Variants in CREBBP observed in about 807,000 individuals in gnomAD.
The protein encoded by CREBBP is CREB binding lysine acetyltransferase, also known as CREB-binding protein.
Under a neutral mutation model 265.0 loss-of-function variants are expected in CREBBP, and 19 were observed. The observed-to-expected ratio is 0.07, with a 90% CI of 0.05 to 0.11. The LOEUF is 0.11. Among genes scored for constraint, CREBBP ranks in the 10% least tolerant of loss-of-function variants. The pLI is 1.00. For synonymous variants in CREBBP, 1,457 were observed against 1,223.7 expected, an observed-to-expected ratio of 1.19 and a Z score of -3.98; for missense variants, 2,525 against 3,219.0, an observed-to-expected ratio of 0.78 and a Z score of 5.22.
chr16:3,780,235 C>A (rs139737018), intron 8 of CREBBP, among the ~76,000 whole-genome samples: 1 of 126,044 alleles, frequency 7.9e-6, no homozygotes, highest in East Asian at 2.2e-4. Context: ...GAGCGAGACT[C>A]TGTCTCAAAA....
At chr16:3,800,737 A>G (rs1045887412) in intron 3 of CREBBP, among the ~76,000 whole-genome samples, 7 of 152,178 alleles carry the variant, frequency 4.6e-5, no homozygotes, top group Non-Finnish European at 8.8e-5. Flanking sequence ...GACAAAAACA[A>G]AATCAAAAAC....
intron 11 of CREBBP, among the ~76,000 whole-genome samples, chr16:3,776,996 C>T (rs942817695): frequency 6.7e-6 from 1 of 150,128 alleles, no homozygotes; most frequent in Admixed American, 6.7e-5. Context: ...CCAGCCTGGG[C>T]AACAAAGTAA....
At chr16:3,738,315 A>T (rs373144833) in intron 26 of CREBBP, among the ~76,000 whole-genome samples, 4 of 97,518 alleles carry the variant, frequency 4.1e-5, no homozygotes, top group African/African-American at 1.0e-4. Flanking sequence ...CAATAAAGTT[A>T]AAAAAAAAAA....
rs2055490745 is a variant in CREBBP, at chr16:3,879,883, G to T, written c.34C>A (p.Pro12Thr). ...AENLLDGPPNPKRAKLSSPGF... is the reference protein window; with the variant it reads ...AENLLDGPPNTKRAKLSSPGF... ...GGCGAGCTGAGTTTGGCTCTTTTGG[G>T]GTTGGGCGGTCCGTCCAGCAAGTTC... Residue 12 changes from proline to threonine, a missense_variant, in exon 1 of 31, where the codon CCC becomes ACC. Physicochemically the swap from Pro to Thr is conservative, Grantham distance 38. Transcript: ENST00000262367. The T allele has an allele frequency of 6.2e-7, 1 of 1,612,792 alleles. No individual in the cohort carries two copies. Among genetic ancestry groups the T allele is most frequent in the Non-Finnish European group, 8.5e-7 (1 of 1,179,408 alleles).
At chr16:3,771,435 C>T (rs2053005746) in intron 13 of CREBBP, among the ~76,000 whole-genome samples, 1 of 152,152 alleles carries the variant, frequency 6.6e-6, no homozygotes, top group Non-Finnish European at 1.5e-5. Context: ...TCGAGCTATA[C>T]ACTTGTAATG....
intron 13 of CREBBP, among the ~76,000 whole-genome samples, chr16:3,771,679 A>G (rs1269052420): frequency 6.6e-6 from 1 of 152,038 alleles, no homozygotes; most frequent in Non-Finnish European, 1.5e-5. Flanking sequence ...CTCAGTGACT[A>G]AGAGGTGGGT....
At chr16:3,749,762 T>C (rs751749518) in intron 20 of CREBBP, 79 bp from the exon 21 acceptor site, 4 of 927,230 alleles carry the variant, frequency 4.3e-6, no homozygotes, top group African/African-American at 1.7e-5. Flanking sequence ...TCTGGAATGT[T>C]ATTTTGTAAC....
chr16:3,730,400 G>A (rs1005932100), intron 30 of CREBBP: 2 of 174,820 alleles, frequency 1.1e-5, no homozygotes, highest in South Asian at 1.4e-4. Context: ...CCTCTGGGAA[G>A]GCCTGAGCTA....
intron 2 of CREBBP, among the ~76,000 whole-genome samples, chr16:3,838,370 A>G (rs2054499009): frequency 6.6e-6 from 1 of 152,184 alleles, no homozygotes; most frequent in East Asian, 1.9e-4. Flanking sequence ...TGATGTTCCT[A>G]GCATAACATA....
intron 19 of CREBBP, among the ~76,000 whole-genome samples, chr16:3,756,469 T>C (rs1427864099): frequency 6.6e-6 from 1 of 152,234 alleles, no homozygotes; most frequent in African/African-American, 2.4e-5. Flanking sequence ...TCTACCTATT[T>C]TAAGACAGGA....
chr16:3,858,772 C>T (rs1001756980), intron 1 of CREBBP, among the ~76,000 whole-genome samples: 3 of 152,150 alleles, frequency 2.0e-5, no homozygotes, highest in African/African-American at 7.2e-5. Flanking sequence ...AAGACTTTTT[C>T]CTATTGCCCT....
chr16:3,765,132 C>G (rs1407666736), intron 16 of CREBBP, among the ~76,000 whole-genome samples: 2 of 152,134 alleles, frequency 1.3e-5, no homozygotes, highest in South Asian at 2.1e-4. Context: ...CGCCACCACG[C>G]CCGCATAATT....
intron 1 of CREBBP, among the ~76,000 whole-genome samples, chr16:3,858,451 CAG>C (rs2055007332): frequency 6.6e-6 from 1 of 152,208 alleles, no homozygotes; most frequent in Non-Finnish European, 1.5e-5. Flanking sequence ...TATGCTCCTA[CAG>C]ACACAATGCG....
intron 1 of CREBBP, among the ~76,000 whole-genome samples, chr16:3,857,634 C>A (rs1383723257): frequency 6.6e-6 from 1 of 152,174 alleles, no homozygotes; most frequent in African/African-American, 2.4e-5. Context: ...CCCAGGTAAG[C>A]CCTCTTCTCT....
chr16:3,747,067 C>T (rs1342153376), intron 21 of CREBBP, among the ~76,000 whole-genome samples: 1 of 152,142 alleles, frequency 6.6e-6, no homozygotes, highest in East Asian at 1.9e-4. Flanking sequence ...GATGTCTCCC[C>T]TTCCCTCAGT....
At position 3,778,118 on chromosome 16, in the gene CREBBP, C is replaced by T. The variant is rs2141234057; in HGVS notation, c.2006G>A (p.Arg669Gln). 1.2e-6 allele frequency: 2 copies of T among 1,613,806 alleles called. No individual in the cohort carries two copies. The highest frequency in any genetic ancestry group is 1.7e-6 in the Non-Finnish European group (2 of 1,179,710). ...YKIQKELEEK[R>Q]RSRLHKQGIL... is the part of the protein sequence containing the mutation. The stretch of plus-strand genomic sequence containing the variant: ...GCCTTGTTTATGTAAACGCGACCTC[C>T]GTTTTTCTTCTAGTTCTTTTTGTAT... The change falls in exon 10 of 31, where the codon CGG (arginine) becomes CAG (glutamine). Residue 669 changes from arginine to glutamine, a missense_variant. Coordinates refer to ENST00000262367, the MANE Select transcript of CREBBP (RefSeq NM_004380.3).
intron 22 of CREBBP, 44 bp downstream of exon 22, chr16:3,745,233 G>T (rs753119207): frequency 6.4e-7 from 1 of 1,567,070 alleles, no homozygotes; most frequent in South Asian, 1.1e-5. Flanking sequence ...CCCCGCCACT[G>T]GCTCTGTGCA....
At chr16:3,758,105 T>A (rs2151384418) in intron 17 of CREBBP, 57 bp from the exon 18 acceptor site, 3 of 1,574,432 alleles carry the variant, frequency 1.9e-6, no homozygotes, top group South Asian at 2.3e-5. Flanking sequence ...CAAATGCCAG[T>A]CTCATCTGGC....
At chr16:3,823,986 A>G (rs1241863394) in intron 2 of CREBBP, among the ~76,000 whole-genome samples, 1 of 151,376 alleles carries the variant, frequency 6.6e-6, no homozygotes, top group East Asian at 1.9e-4. Context: ...ACACACACAC[A>G]CACACACTCA....
Sources: allele counts gnomAD v4.1 joint callset (sites outside exome capture counted in the v4.1 genomes callset), GRCh38; gene constraint gnomAD v4.1.1; transcripts MANE v1.5; gene names NCBI Gene and HGNC (gene_info 2026-07-23, HGNC 2026-07-21).